THSD7B: variants seen among roughly 807,000 people sequenced by gnomAD.
THSD7B encodes thrombospondin type-1 domain-containing protein 7B.
Under a neutral mutation model 213.6 loss-of-function variants are expected in THSD7B, and 138 were observed. That is an observed-to-expected ratio of 0.65 (90% confidence interval 0.56 to 0.74). The LOEUF (loss-of-function observed/expected upper bound fraction) is 0.74. Ranked by LOEUF, THSD7B falls within the 30% of genes least tolerant of loss-of-function variation. THSD7B has a pLI of 0.00. For missense variants in THSD7B, 1,931 were observed against 1,991.5 expected, an observed-to-expected ratio of 0.97 and a Z score of 0.58; for synonymous variants, 742 against 687.0, an observed-to-expected ratio of 1.08 and a Z score of -1.25.
intron 1 of THSD7B, among the ~76,000 whole-genome samples, chr2:136,869,226 A>G (rs960604689): frequency 1.3e-5 from 2 of 152,188 alleles, no homozygotes; most frequent in Non-Finnish European, 2.9e-5. Context: ...TTTTAAAGCT[A>G]TTTACCGTAG....
chr2:137,100,190 G>A (rs1310516607), intron 4 of THSD7B, among the ~76,000 whole-genome samples: 2 of 152,092 alleles, frequency 1.3e-5, no homozygotes. Flanking sequence ...CAAGAAAAAG[G>A]ATGGTAGATG....
At chr2:137,103,200 C>G (rs1291676789) in intron 4 of THSD7B, among the ~76,000 whole-genome samples, 1 of 151,526 alleles carries the variant, frequency 6.6e-6, no homozygotes, top group Non-Finnish European at 1.5e-5. Flanking sequence ...CTTCAGAAAC[C>G]CTACAAGCTA....
chr2:137,017,667 C>G (rs904734050), intron 2 of THSD7B, among the ~76,000 whole-genome samples: 37 of 152,132 alleles, frequency 2.4e-4, no homozygotes, highest in Non-Finnish European at 4.4e-4. Flanking sequence ...CAGGACATCC[C>G]TTATGGTCTG....
At chr2:137,511,149 G>A (rs1679954872) in intron 15 of THSD7B, among the ~76,000 whole-genome samples, 2 of 152,066 alleles carry the variant, frequency 1.3e-5, no homozygotes. Context: ...GATCTGTTCT[G>A]AAGTTTATTT....
intron 14 of THSD7B, among the ~76,000 whole-genome samples, chr2:137,426,073 C>T (rs1208921660): frequency 6.6e-6 from 1 of 151,968 alleles, no homozygotes; most frequent in Admixed American, 6.6e-5. Flanking sequence ...GAATACAATC[C>T]CATTTACAAT....
intron 2 of THSD7B, among the ~76,000 whole-genome samples, chr2:136,973,062 T>C (rs1216418248): frequency 2.0e-5 from 3 of 152,226 alleles, no homozygotes; most frequent in African/African-American, 7.2e-5. Context: ...CTGTCTTCTT[T>C]GGATCTTCTC....
At chr2:137,078,827 A>C (rs1687684450) in intron 3 of THSD7B, among the ~76,000 whole-genome samples, 1 of 151,886 alleles carries the variant, frequency 6.6e-6, no homozygotes, top group African/African-American at 2.4e-5. Flanking sequence ...CAAAAATTCT[A>C]TAGTTTTCTT....
intron 14 of THSD7B, among the ~76,000 whole-genome samples, chr2:137,423,304 A>G (rs1573616946): frequency 6.6e-6 from 1 of 152,238 alleles, no homozygotes; most frequent in East Asian, 1.9e-4. Context: ...ATTAGGCAAT[A>G]AAAATAAATA....
intron 2 of THSD7B, among the ~76,000 whole-genome samples, chr2:136,906,761 GT>G (rs541694061): frequency 6.6e-6 from 1 of 151,824 alleles, no homozygotes; most frequent in Non-Finnish European, 1.5e-5. Context: ...GGTCCTTTGA[GT>G]TTTTCTATCA....
intron 12 of THSD7B, among the ~76,000 whole-genome samples, chr2:137,310,948 A>G (rs1683888325): frequency 6.6e-6 from 1 of 151,826 alleles, no homozygotes; most frequent in Non-Finnish European, 1.5e-5. Context: ...TGATGCCTCC[A>G]GCTTTGTTCT....
chr2:137,393,773 A>G (rs1686104016), intron 12 of THSD7B, among the ~76,000 whole-genome samples: 1 of 141,282 alleles, frequency 7.1e-6, no homozygotes, highest in Non-Finnish European at 1.6e-5. Context: ...TTACAGTACC[A>G]CCAACAGTGT....
intron 2 of THSD7B, among the ~76,000 whole-genome samples, chr2:136,897,282 A>C (rs1284078010): frequency 2.0e-5 from 3 of 152,126 alleles, no homozygotes; most frequent in African/African-American, 7.2e-5. Flanking sequence ...TGAGTGTTGC[A>C]GTTCTTAAAG....
At chr2:137,015,120 A>C (rs75881214) in intron 2 of THSD7B, among the ~76,000 whole-genome samples, 1 of 152,138 alleles carries the variant, frequency 6.6e-6, no homozygotes, top group African/African-American at 2.4e-5. Flanking sequence ...TTATTAAACT[A>C]TAGACTCCCA....
At chr2:136,815,707 C>A (rs756243258) in intron 1 of THSD7B, among the ~76,000 whole-genome samples, 3 of 151,906 alleles carry the variant, frequency 2.0e-5, no homozygotes, top group African/African-American at 4.8e-5. Flanking sequence ...ACTTAGTAAG[C>A]AAATGGCCAA....
At position 137,611,585 on chromosome 2, in the gene THSD7B, G is replaced by A. The variant is rs1386570443; in HGVS notation, c.3424-4590G>A. 2.0e-5 allele frequency among the ~76,000 whole-genome samples: 3 copies of A among 152,066 alleles called. No individual in the cohort carries two copies. In the South Asian group the frequency reaches 6.2e-4, roughly 32 times the overall value. ...TGACTGACATATAGTAAACACTACA[G>A]AATTATTAGTTACTAATATTGTTTT... On this transcript the variant is annotated intron_variant, in intron 17 of 27. Transcript: ENST00000409968.
At chr2:137,492,158 G>A (rs573678050) in intron 15 of THSD7B, among the ~76,000 whole-genome samples, 68 of 152,214 alleles carry the variant, frequency 4.5e-4, no homozygotes, top group Admixed American at 9.8e-4. Context: ...TTCAAAGCAA[G>A]GGAAATGAAA....
At chr2:137,046,713 A>G (rs1156392060) in intron 2 of THSD7B, among the ~76,000 whole-genome samples, 1 of 147,714 alleles carries the variant, frequency 6.8e-6, no homozygotes, top group Admixed American at 6.8e-5. Context: ...CTGGGTGACA[A>G]GAGTGAAACT....
chr2:136,778,687 C>T (rs1456784308), intron 1 of THSD7B, among the ~76,000 whole-genome samples: 3 of 152,018 alleles, frequency 2.0e-5, no homozygotes, highest in African/African-American at 4.8e-5. Context: ...AGGTTTATTC[C>T]ATATTTACTT....
At chr2:137,391,956 T>G (rs1452915563) in intron 12 of THSD7B, among the ~76,000 whole-genome samples, 1 of 152,212 alleles carries the variant, frequency 6.6e-6, no homozygotes, top group Non-Finnish European at 1.5e-5. Flanking sequence ...CATTTTTATT[T>G]GTTTCAAAAA....
Sources: allele counts gnomAD v4.1 joint callset (sites outside exome capture counted in the v4.1 genomes callset), GRCh38; gene constraint gnomAD v4.1.1; transcripts MANE v1.5; gene names NCBI Gene and HGNC (gene_info 2026-07-23, HGNC 2026-07-21).